PSD2: variants seen among roughly 807,000 people sequenced by gnomAD.
PSD2 encodes PH and SEC7 domain-containing protein 2.
PSD2 carries 38 observed loss-of-function variants against 69.8 expected under a neutral mutation model. The observed-to-expected ratio is 0.54, with a 90% CI of 0.42 to 0.71. The LOEUF is 0.71. Ranked by LOEUF, PSD2 falls within the 30% of genes least tolerant of loss-of-function variation. PSD2 has a pLI of 0.00. For missense variants in PSD2, 943 were observed against 1,014.5 expected (o/e 0.93, Z 0.96); for synonymous variants, 412 against 423.0 (o/e 0.97, Z 0.32).
chr5:139,825,472 T>C (rs989369879), intron 7 of PSD2, among the ~76,000 whole-genome samples: 1 of 152,178 alleles, frequency 6.6e-6, no homozygotes, highest in Non-Finnish European at 1.5e-5. Flanking sequence ...TTTGAGGAGC[T>C]GCAGAACTGT....
At chr5:139,748,454 C>T in the PSD2 span, among the ~76,000 whole-genome samples, 4 of 152,196 alleles carry the variant, frequency 2.6e-5, no homozygotes, top group Non-Finnish European at 4.4e-5. Flanking sequence ...CCGCAATGCT[C>T]GTGCATTAGT....
chr5:139,832,311 A>G lies in PSD2; in HGVS notation c.1270-1391A>G, dbSNP rs148762674. 2.0e-4 allele frequency among the ~76,000 whole-genome samples: 31 copies of G among 152,142 alleles called. 1 individual carries two copies. The East Asian group carries it at 5.8e-3, about 28-fold the overall frequency. ...TACTTATATATCTATACACACATAT[A>G]TATGTAAATCTACACAGAAAAATAC... is the stretch of plus-strand genomic sequence containing the variant. On this transcript the variant is annotated intron_variant, in intron 7 of 14. Transcript: ENST00000274710.
Position 139,842,627 on chromosome 5 carries a change from C to A in PSD2, c.*153C>A. 1.5e-6 allele frequency: 1 copy of A among 660,328 alleles called. No individual in the cohort carries two copies. The highest frequency in any genetic ancestry group is 2.8e-5 in the Admixed American group (1 of 36,346). The allele number at this position is 660,328 out of a possible 1,614,324, so 40.9% of individuals were successfully genotyped here. A position where few individuals can be genotyped will look rare whatever the true frequency, so the allele number is the denominator to read the frequency against. ...CCTGTGGGCCCAGGAGATGGAGATG[C>A]CGTTTGTGGCGTTGATCTCCTTGCG... On this transcript the variant is annotated 3_prime_UTR_variant, in exon 15 of 15. Coordinates refer to ENST00000274710, the MANE Select transcript of PSD2 (RefSeq NM_032289.4).
chr5:139,779,043 G>T, the PSD2 span, among the ~76,000 whole-genome samples: 14 of 150,860 alleles, frequency 9.3e-5, no homozygotes, highest in Non-Finnish European at 1.8e-4. Flanking sequence ...CAAAAGGTGC[G>T]CTGCATTTGC....
intron 5 of PSD2, among the ~76,000 whole-genome samples, chr5:139,819,717 T>C (rs1322093235): frequency 6.6e-6 from 1 of 152,164 alleles, no homozygotes. Context: ...AGAAAACCCA[T>C]GGTTTTTATT....
chr5:139,765,949 G>T, the PSD2 span, among the ~76,000 whole-genome samples: 1 of 152,140 alleles, frequency 6.6e-6, no homozygotes, highest in Non-Finnish European at 1.5e-5. Flanking sequence ...TGGTGCGTTC[G>T]TTCCCTCTCT....
chr5:139,770,148 G>A, the PSD2 span, among the ~76,000 whole-genome samples: 1 of 152,186 alleles, frequency 6.6e-6, no homozygotes, highest in Non-Finnish European at 1.5e-5. Context: ...TGAGTGTAAG[G>A]TAAGCTTGTT....
chr5:139,752,278 T>C, the PSD2 span, among the ~76,000 whole-genome samples: 7 of 152,162 alleles, frequency 4.6e-5, no homozygotes, highest in African/African-American at 1.7e-4. Flanking sequence ...TTTTTCTGTT[T>C]CTGCCTCTCC....
Position 139,837,747 on chromosome 5 carries a change from G to C in PSD2, c.1788G>C (p.Lys596Asn). ...AGAAGTCCAACGTGCTGAAGCTTAA[G>C]ACAGCCGACTGGAGGGTATTCCTCT... ...YSKKSNVLKLKTADWRVFLFQ... is the reference protein window; with the variant it reads ...YSKKSNVLKLNTADWRVFLFQ... Residue 596 changes from lysine to asparagine, a missense_variant, in exon 12 of 15, where the codon AAG becomes AAC. By Grantham distance (94) the Lys-to-Asn change is moderately conservative. Around this residue, in one of 3 missense-constraint regions of PSD2, gnomAD observed 312 missense variants for 400.7 expected, o/e 0.78. Coordinates refer to ENST00000274710, the MANE Select transcript of PSD2 (RefSeq NM_032289.4). This position sits in a 1 kb window ranked among gnomAD's most constrained non-coding sequence, Gnocchi z 5.0. 6.2e-7 allele frequency: 1 copy of C among 1,613,690 alleles called. No individual in the cohort carries two copies. The highest frequency in any genetic ancestry group is 8.5e-7 in the Non-Finnish European group (1 of 1,179,612).
chr5:139,766,828 C>CTTCTCTCTTTCTTTCT, the PSD2 span, among the ~76,000 whole-genome samples: 1,388 of 87,672 alleles, frequency 0.016, 128 homozygotes, highest in South Asian at 0.026. Context: ...AAGTCCCTTC[C>CTTCTCTCTTTCTTTCT]TTCTTTCTTT....
chr5:139,766,912 C>CTTTCTTT, the PSD2 span, among the ~76,000 whole-genome samples: 26 of 64,844 alleles, frequency 4.0e-4, 1 homozygote, highest in Admixed American at 1.1e-3. Context: ...TCCCTCCCTT[C>CTTTCTTT]CTTCCTTCCT....
At chr5:139,766,831 CTTTCTTT>C in the PSD2 span, among the ~76,000 whole-genome samples, 2 of 32,324 alleles carry the variant, frequency 6.2e-5, no homozygotes, top group Non-Finnish European at 1.8e-4. Flanking sequence ...TCCCTTCCTT[CTTTCTTT>C]CTTTCTTTCT....
intron 6 of PSD2, 66 bp from the exon 7 acceptor site, chr5:139,822,660 G>C: frequency 8.9e-6 from 13 of 1,456,030 alleles, no homozygotes; most frequent in Non-Finnish European, 1.2e-5. Flanking sequence ...GACGGGTTCC[G>C]TCAGGAGACA....
the PSD2 span, among the ~76,000 whole-genome samples, chr5:139,777,330 A>G: frequency 6.6e-6 from 1 of 152,120 alleles, no homozygotes; most frequent in Non-Finnish European, 1.5e-5. Flanking sequence ...CCCAGAGATG[A>G]CCTCTTTTAG....
chr5:139,825,674 C>G (rs1482998067), intron 7 of PSD2, among the ~76,000 whole-genome samples: 1 of 125,302 alleles, frequency 8.0e-6, no homozygotes, highest in East Asian at 2.2e-4. Flanking sequence ...GGGGAAGAAA[C>G]TTCTGTGTGG....
chr5:139,808,585 C>T (rs1216487178), intron 1 of PSD2, among the ~76,000 whole-genome samples: 3 of 152,214 alleles, frequency 2.0e-5, no homozygotes, highest in African/African-American at 4.8e-5. Flanking sequence ...TGCCCCTTGG[C>T]GGCCTCCTCA....
chr5:139,811,779 G>A (rs1759970600), intron 2 of PSD2, among the ~76,000 whole-genome samples: 4 of 152,096 alleles, frequency 2.6e-5, no homozygotes, highest in Non-Finnish European at 5.9e-5. Flanking sequence ...ATTTTTAGTA[G>A]AGATGGGGTT....
At position 139,842,459 on chromosome 5, in the gene PSD2, T is replaced by C; in HGVS notation, c.2301T>C (p.Thr767=). ...GCAGCAAAACCACAAAGGATGCCAC[T>C]GGGCCTGATACTTAGCTGACATGGA... ...VTGSKTTKDA[T]GPDT The change falls in exon 15 of 15, where the codon ACT becomes ACC. Residue 767 remains threonine (T), a synonymous_variant. Coordinates refer to ENST00000274710, the MANE Select transcript of PSD2 (RefSeq NM_032289.4). The C allele has an allele frequency of 6.2e-7, 1 of 1,613,940 alleles. No homozygotes were observed. The highest frequency in any genetic ancestry group is 8.5e-7 in the Non-Finnish European group (1 of 1,179,886).
chr5:139,804,257 G>A (rs1039471990), intron 1 of PSD2, among the ~76,000 whole-genome samples: 1 of 152,144 alleles, frequency 6.6e-6, no homozygotes, highest in Non-Finnish European at 1.5e-5. Context: ...GTGAACCAGT[G>A]GGGGTGTTCA....
Sources: allele counts gnomAD v4.1 joint callset (sites outside exome capture counted in the v4.1 genomes callset), GRCh38; gene constraint gnomAD v4.1.1; regional missense constraint gnomAD v4.1.1; non-coding constraint Gnocchi (gnomAD v3.1); transcripts MANE v1.5; gene names NCBI Gene and HGNC (gene_info 2026-07-23, HGNC 2026-07-21).